Variants in CNGB1 observed in about 807,000 individuals in gnomAD.
CNGB1 encodes cyclic nucleotide gated channel subunit beta 1, also known as cyclic nucleotide-gated channel beta-1.
Under a neutral mutation model 151.7 loss-of-function variants are expected in CNGB1, and 126 were observed. The observed-to-expected ratio is 0.83, with a 90% CI of 0.72 to 0.96. The LOEUF (loss-of-function observed/expected upper bound fraction) is 0.96. Ranked by LOEUF, CNGB1 falls within the 40% of genes least tolerant of loss-of-function variation. The probability of loss-of-function intolerance (pLI) is 0.00; values close to 1 mark genes in which losing one functional copy is unlikely to be tolerated. For missense variants in CNGB1, 1,698 were observed against 1,627.0 expected (o/e 1.04, Z -0.75); for synonymous variants, 623 against 635.1 (o/e 0.98, Z 0.29).
intron 2 of CNGB1, among the ~76,000 whole-genome samples, chr16:57,966,746 G>A (rs140695883): frequency 6.6e-6 from 1 of 152,316 alleles, no homozygotes; most frequent in Non-Finnish European, 1.5e-5. Context: ...AATACGACCT[G>A]TGGGCCAAAT....
In CNGB1 at chr16:57,939,417, C is replaced by T. The variant is rs759974656; in HGVS notation, c.1372+13G>A. On this transcript the variant is annotated intron_variant, in intron 16 of 32. Transcript: ENST00000251102. ...ATTCTTGCGCAACCCATCACCACCA[C>T]CACCACACCTACCTCCTGAACTGGC... The T allele has an allele frequency of 2.5e-6, 4 of 1,614,082 alleles. No individual in the cohort carries two copies. Among genetic ancestry groups the T allele is most frequent in the South Asian group, 1.1e-5 (1 of 91,088 alleles).
chr16:57,959,311 A>G (rs868864638), intron 10 of CNGB1, among the ~76,000 whole-genome samples: 4 of 146,206 alleles, frequency 2.7e-5, no homozygotes, highest in Middle Eastern at 3.6e-3. Context: ...TCAGGTTAAG[A>G]AAAAAAAAAA....
chr16:57,910,594 G>A (rs1010671492), intron 25 of CNGB1, among the ~76,000 whole-genome samples: 2 of 150,968 alleles, frequency 1.3e-5, no homozygotes, highest in South Asian at 2.1e-4. Flanking sequence ...GGCTGGTCTC[G>A]AACTCCTGAC....
In CNGB1 at chr16:57,887,978, G is replaced by A. The variant is rs748808412; in HGVS notation, c.3339C>T (p.Leu1113=). The part of the protein sequence containing the change: ...AGTPKLFNAA[L]AMTGKMGGKG... Reference sequence around the variant, plus strand: ...TGCCACCCATCTTTCCTGTCATAGCGAGGGCAGCGTTGAAGAGCTTTGGGG... The same window carrying A: ...TGCCACCCATCTTTCCTGTCATAGCAAGGGCAGCGTTGAAGAGCTTTGGGG... Residue 1113 remains leucine, a synonymous_variant, in exon 32 of 33, where the codon CTC becomes CTT. Transcript: ENST00000251102. 6 of 1,614,088 alleles carry A rather than the reference G, an allele frequency of 3.7e-6. No homozygotes were observed. In the African/African-American group the frequency reaches 4.0e-5, roughly 11 times the overall value.
intron 12 of CNGB1, among the ~76,000 whole-genome samples, chr16:57,956,057 AG>A (rs1484244871): frequency 1.3e-5 from 2 of 152,176 alleles, no homozygotes; most frequent in Non-Finnish European, 1.5e-5. Context: ...CATATGCTCC[AG>A]GCATTGCAGG....
chr16:57,910,673 CTTT>C lies in CNGB1; in HGVS notation c.2492+1077_2492+1079del, dbSNP rs56363726. Among the ~76,000 whole-genome samples the C allele has an allele frequency of 5.1e-3, 528 of 104,316 alleles. 6 individuals carry two copies. The highest frequency in any genetic ancestry group is 0.014 in the African/African-American group (345 of 25,352). The allele number at this position is 104,316 out of a possible 152,430, so 68.4% of individuals were successfully genotyped here. A position where few individuals can be genotyped will look rare whatever the true frequency, so the allele number is the denominator to read the frequency against. On this transcript the variant is annotated intron_variant, in intron 25 of 32. Coordinates refer to ENST00000251102, the MANE Select transcript of CNGB1 (RefSeq NM_001297.5). ...ACAGGCGTGAGCCACCAAGCCCGGC[CTTT>C]TTTTTTTTTTTTTTTTTTTCCCAAG...
intron 25 of CNGB1, among the ~76,000 whole-genome samples, chr16:57,906,500 T>C (rs796111693): frequency 2.6e-5 from 4 of 152,312 alleles, no homozygotes; most frequent in African/African-American, 4.8e-5. Context: ...GTAGGGGCTC[T>C]GCCTCTGATA....
intron 17 of CNGB1, among the ~76,000 whole-genome samples, chr16:57,928,721 G>A (rs191299543): frequency 1.3e-3 from 201 of 152,030 alleles, no homozygotes; most frequent in Admixed American, 3.1e-3. Context: ...CACTGCAACC[G>A]CTGCCTCGCA....
chr16:57,904,872 A>G lies in CNGB1; in HGVS notation c.2496T>C (p.Tyr832=). ...TCACAGCAAAGTAGTAACAGCGAATATAACTGGAGAGAGAGGAGAAAGGGA... is the reference window on the plus strand; with the variant it reads ...TCACAGCAAAGTAGTAACAGCGAATGTAACTGGAGAGAGAGGAGAAAGGGA... ...HWVYDGVGNS[Y]IRCYYFAVKT... Residue 832 remains tyrosine (Y), a synonymous_variant, in exon 26 of 33, where the codon TAT becomes TAC. Coordinates refer to ENST00000251102, the MANE Select transcript of CNGB1 (RefSeq NM_001297.5). The G allele has an allele frequency of 1.2e-6, 2 of 1,614,166 alleles. No individual in the cohort carries two copies. Among genetic ancestry groups the G allele is most frequent in the Non-Finnish European group, 1.7e-6 (2 of 1,180,030 alleles).
intron 18 of CNGB1, among the ~76,000 whole-genome samples, chr16:57,921,326 A>T (rs776693310): frequency 9.3e-5 from 14 of 150,408 alleles, no homozygotes; most frequent in Non-Finnish European, 1.6e-4. Context: ...GGTTCAAGCA[A>T]TTCTCCTGCC....
chr16:57,968,405 G>A (rs1392800119), intron 1 of CNGB1, among the ~76,000 whole-genome samples: 2 of 152,150 alleles, frequency 1.3e-5, no homozygotes, highest in African/African-American at 4.8e-5. Flanking sequence ...GCTGAGGCAT[G>A]AGAATCTCTT....
chr16:57,913,043 T>C, intron 23 of CNGB1, 49 bp from the exon 24 acceptor site: 1 of 1,590,692 alleles, frequency 6.3e-7, no homozygotes, highest in Non-Finnish European at 8.6e-7. Context: ...ATAGGTAGCA[T>C]GCTGCTCCCA....
At chr16:57,916,896 G>A (rs1288061287) in intron 21 of CNGB1, among the ~76,000 whole-genome samples, 2 of 152,166 alleles carry the variant, frequency 1.3e-5, no homozygotes, top group Non-Finnish European at 2.9e-5. Flanking sequence ...AACACTGGGA[G>A]GTGGAAGCTA....
In CNGB1 at chr16:57,923,317, G is replaced by A. The variant is rs1961098815; in HGVS notation, c.1599C>T (p.Ser533=). The A allele has an allele frequency of 6.2e-7, 1 of 1,613,626 alleles. No homozygotes were observed. Among genetic ancestry groups the A allele is most frequent in the Non-Finnish European group, 8.5e-7 (1 of 1,179,896 alleles). Residue 533 remains serine (S), a synonymous_variant, in exon 18 of 33, where the codon TCC becomes TCT. Transcript: ENST00000251102. ...TGGGGTCAGACCAGGCAACCACTGG[G>A]GACTCTGCTGGTGACAACGCCTTGA... The part of the protein sequence containing the change: ...EELKALSPAE[S]PVVAWSDPTT...
intron 24 of CNGB1, 57 bp downstream of exon 24, chr16:57,912,873 G>T: frequency 6.5e-7 from 1 of 1,541,870 alleles, no homozygotes; most frequent in African/African-American, 1.4e-5. Flanking sequence ...TGCGTGTGTT[G>T]TGTGTTTGTG....
At chr16:57,922,043 C>T (rs1266734056) in intron 18 of CNGB1, among the ~76,000 whole-genome samples, 1 of 152,188 alleles carries the variant, frequency 6.6e-6, no homozygotes, top group Non-Finnish European at 1.5e-5. Flanking sequence ...AAACCCTACC[C>T]CTACCCTATC....
chr16:57,922,602 T>C (rs1255447027), intron 18 of CNGB1, among the ~76,000 whole-genome samples: 1 of 151,830 alleles, frequency 6.6e-6, no homozygotes, highest in Non-Finnish European at 1.5e-5. Flanking sequence ...CTAATTTTTG[T>C]ATTTTTATTA....
At chr16:57,955,445 T>A in intron 12 of CNGB1, 1 of 1,228,884 alleles carries the variant, frequency 8.1e-7, no homozygotes. Flanking sequence ...AGTGAGTGGA[T>A]GAGTGAATGA....
intron 17 of CNGB1, among the ~76,000 whole-genome samples, chr16:57,926,427 C>T (rs1961191274): frequency 6.6e-6 from 1 of 152,204 alleles, no homozygotes. Flanking sequence ...CATCTTGACT[C>T]AGGATTGTAC....
Sources: allele counts gnomAD v4.1 joint callset (sites outside exome capture counted in the v4.1 genomes callset), GRCh38; gene constraint gnomAD v4.1.1; transcripts MANE v1.5; gene names NCBI Gene and HGNC (gene_info 2026-07-23, HGNC 2026-07-21).